Variants in FUT9 observed in about 807,000 individuals in gnomAD.
FUT9 encodes 4-galactosyl-N-acetylglucosaminide 3-alpha-L-fucosyltransferase 9.
FUT9 carries 15 observed loss-of-function variants against 29.7 expected under a neutral mutation model. That is an observed-to-expected ratio of 0.51 (90% CI 0.34 to 0.78). The LOEUF is 0.78. Ranked by LOEUF, FUT9 falls within the 30% of genes least tolerant of loss-of-function variation. The probability of loss-of-function intolerance (pLI) is 0.01; values close to 1 mark genes in which losing one functional copy is unlikely to be tolerated. For synonymous variants in FUT9, 169 were observed against 153.7 expected (o/e 1.10, Z -0.74); for missense variants, 319 against 425.4 (o/e 0.75, Z 2.20).
chr6:96,168,230 G>A (rs1773049107), intron 2 of FUT9, among the ~76,000 whole-genome samples: 1 of 152,168 alleles, frequency 6.6e-6, no homozygotes, highest in African/African-American at 2.4e-5. Context: ...CCAAATGGAA[G>A]GATCAAGCAG....
intron 1 of FUT9, among the ~76,000 whole-genome samples, chr6:96,102,337 A>C (rs12211908): frequency 0.013 from 1,941 of 148,878 alleles, 20 homozygotes; most frequent in Non-Finnish European, 0.021. Flanking sequence ...ACCTGAGTTT[A>C]AAAAAAAAAG....
chr6:96,100,144 T>A (rs1334668865), intron 1 of FUT9, among the ~76,000 whole-genome samples: 2 of 152,134 alleles, frequency 1.3e-5, no homozygotes, highest in East Asian at 3.9e-4. Flanking sequence ...AGGTTGACCA[T>A]GATTTTCATT....
intron 1 of FUT9, among the ~76,000 whole-genome samples, chr6:96,097,180 A>G (rs1466761121): frequency 9.2e-5 from 14 of 152,358 alleles, no homozygotes; most frequent in Non-Finnish European, 1.5e-4. Flanking sequence ...GAATAGCCAA[A>G]TGCATACTCT....
chr6:96,120,706 T>G (rs1436483476), intron 2 of FUT9, among the ~76,000 whole-genome samples: 2 of 62,186 alleles, frequency 3.2e-5, no homozygotes, highest in Non-Finnish European at 8.2e-5. Flanking sequence ...AAAATAACAT[T>G]AAGCACATTT....
At chr6:96,067,291 T>A (rs545091034) in intron 1 of FUT9, among the ~76,000 whole-genome samples, 94 of 151,944 alleles carry the variant, frequency 6.2e-4, no homozygotes, top group African/African-American at 2.2e-3. Context: ...AACATATGTT[T>A]GAGGTAGGGT....
At chr6:96,142,352 T>C (rs4144272) in intron 2 of FUT9, among the ~76,000 whole-genome samples, 85,682 of 152,070 alleles carry the variant, frequency 0.56, 25,053 homozygotes, top group East Asian at 0.68. Context: ...ACAATCCAGT[T>C]ATGAATACTG....
intron 1 of FUT9, among the ~76,000 whole-genome samples, chr6:96,046,031 C>T (rs1460837702): frequency 6.6e-6 from 1 of 152,148 alleles, no homozygotes; most frequent in Non-Finnish European, 1.5e-5. Context: ...AGCTTTTGAG[C>T]AGCTCACATT....
chr6:96,167,562 T>G (rs1456474471), intron 2 of FUT9, among the ~76,000 whole-genome samples: 2 of 152,214 alleles, frequency 1.3e-5, no homozygotes, highest in African/African-American at 2.4e-5. Flanking sequence ...TCTAGACATG[T>G]GGGACACTTC....
At chr6:96,030,660 A>G (rs1237341057) in intron 1 of FUT9, among the ~76,000 whole-genome samples, 1 of 151,632 alleles carries the variant, frequency 6.6e-6, no homozygotes. Flanking sequence ...GTGTTTCTAC[A>G]TACAAAGTTA....
chr6:96,025,788 G>A (rs1316597890), intron 1 of FUT9, among the ~76,000 whole-genome samples: 4 of 151,636 alleles, frequency 2.6e-5, no homozygotes, highest in African/African-American at 4.8e-5. Context: ...TCTCTGAAGG[G>A]TCTGAGATTT....
chr6:96,017,038 T>G (rs1221509439), intron 1 of FUT9, among the ~76,000 whole-genome samples: 1 of 152,224 alleles, frequency 6.6e-6, no homozygotes, highest in Non-Finnish European at 1.5e-5. Context: ...CCTGCGGAAT[T>G]GGTCTTACTT....
chr6:96,152,551 G>A (rs1276914119), intron 2 of FUT9, among the ~76,000 whole-genome samples: 1 of 152,192 alleles, frequency 6.6e-6, no homozygotes, highest in Non-Finnish European at 1.5e-5. Flanking sequence ...AATCATTGGA[G>A]TGGGGCTTGA....
chr6:96,033,945 A>G (rs1389827489), intron 1 of FUT9, among the ~76,000 whole-genome samples: 1 of 151,338 alleles, frequency 6.6e-6, no homozygotes, highest in Non-Finnish European at 1.5e-5. Flanking sequence ...AAACTTACTT[A>G]AACACCCTAA....
intron 2 of FUT9, among the ~76,000 whole-genome samples, chr6:96,124,326 A>G (rs2127966298): frequency 6.6e-6 from 1 of 151,018 alleles, no homozygotes; most frequent in South Asian, 2.1e-4. Flanking sequence ...TAATTTTTCT[A>G]TTTTTAGTAG....
rs1159713277 is a variant in FUT9 at position 96,206,313 on chromosome 6, TAAGTA to T, written c.*2082_*2086del. Reference sequence around the variant, plus strand: ...ATTTTTATGTGGATGTCCTCCTCAATAAGTAAAGATCTCCATCCATATTTAATTAA... The same window carrying T: ...ATTTTTATGTGGATGTCCTCCTCAATAAGATCTCCATCCATATTTAATTAA... On this transcript the variant is annotated 3_prime_UTR_variant, in exon 3 of 3. Transcript: ENST00000302103. 2 of 167,058 alleles carry T rather than the reference TAAGTA, an allele frequency of 1.2e-5. No individual in the cohort carries two copies. Among genetic ancestry groups the T allele is most frequent in the Non-Finnish European group, 2.9e-5 (2 of 68,126 alleles). The allele number at this position is 167,058 out of a possible 1,614,324, so 10.3% of individuals were successfully genotyped here. A position where few individuals can be genotyped will look rare whatever the true frequency, so the allele number is the denominator to read the frequency against.
chr6:96,205,128 A>T lies in FUT9; in HGVS notation c.*893A>T, dbSNP rs1773804110. On this transcript the variant is annotated 3_prime_UTR_variant, in exon 3 of 3. Transcript: ENST00000302103. ...CAATGTTTAATTATGTATCAATTTA[A>T]GATTTTTTTCTGAAGCCCTAATATT... is the stretch of plus-strand genomic sequence containing the variant. 1 of 166,946 alleles carries T rather than the reference A, an allele frequency of 6.0e-6. No individual in the cohort carries two copies. The highest frequency in any genetic ancestry group is 6.6e-5 in the Admixed American group (1 of 15,254). The allele number at this position is 166,946 out of a possible 1,614,324, so 10.3% of individuals were successfully genotyped here. A position where few individuals can be genotyped will look rare whatever the true frequency, so the allele number is the denominator to read the frequency against.
chr6:96,058,714 G>A (rs1770820937), intron 1 of FUT9, among the ~76,000 whole-genome samples: 1 of 152,124 alleles, frequency 6.6e-6, no homozygotes, highest in African/African-American at 2.4e-5. Context: ...TAGCAATGTT[G>A]TTACTTGGAA....
At chr6:96,135,680 T>C (rs1316325421) in intron 2 of FUT9, among the ~76,000 whole-genome samples, 2 of 151,760 alleles carry the variant, frequency 1.3e-5, no homozygotes, top group African/African-American at 2.4e-5. Context: ...TGCTGTTCAA[T>C]GGGTATAAAG....
intron 2 of FUT9, among the ~76,000 whole-genome samples, chr6:96,152,506 C>T (rs556814830): frequency 3.9e-5 from 6 of 152,220 alleles, no homozygotes; most frequent in East Asian, 1.9e-4. Context: ...TCCTGGTACA[C>T]GGCAACTGCT....
Sources: allele counts gnomAD v4.1 joint callset (sites outside exome capture counted in the v4.1 genomes callset), GRCh38; gene constraint gnomAD v4.1.1; transcripts MANE v1.5; gene names NCBI Gene and HGNC (gene_info 2026-07-23, HGNC 2026-07-21).